ARHGAP24: variants seen among roughly 807,000 people sequenced by gnomAD.
ARHGAP24 encodes Rho GTPase activating protein 24.
ARHGAP24 carries 50 observed loss-of-function variants against 76.4 expected under a neutral mutation model. That is an observed-to-expected ratio of 0.65 (90% CI 0.52 to 0.83). The LOEUF is 0.83. Among genes scored for constraint, ARHGAP24 ranks in the 40% least tolerant of loss-of-function variants. ARHGAP24 has a pLI of 0.00. For synonymous variants in ARHGAP24, 345 were observed against 323.3 expected (o/e 1.07, Z -0.72); for missense variants, 930 against 914.2 (o/e 1.02, Z -0.22).
At chr4:85,526,779 A>AT (rs1193623419) in intron 1 of ARHGAP24, among the ~76,000 whole-genome samples, 2 of 152,176 alleles carry the variant, frequency 1.3e-5, no homozygotes, top group Non-Finnish European at 2.9e-5. Flanking sequence ...GAATTTATGA[A>AT]TCTCTTGTAG....
chr4:85,635,359 T>A (rs187436696), intron 2 of ARHGAP24, among the ~76,000 whole-genome samples: 3 of 151,994 alleles, frequency 2.0e-5, no homozygotes, highest in Admixed American at 2.0e-4. Context: ...TGAATGAAGA[T>A]GTTCAAAGGT....
intron 3 of ARHGAP24, among the ~76,000 whole-genome samples, chr4:85,873,975 G>T (rs1241505177): frequency 6.6e-6 from 1 of 151,998 alleles, no homozygotes; most frequent in East Asian, 1.9e-4. Flanking sequence ...TTTAAGATTG[G>T]ATGATTAAAT....
At chr4:85,698,955 C>T (rs1450452438) in intron 2 of ARHGAP24, among the ~76,000 whole-genome samples, 3 of 152,094 alleles carry the variant, frequency 2.0e-5, no homozygotes, top group African/African-American at 7.2e-5. Context: ...ACCACCACCC[C>T]CCACTTGCTC....
chr4:85,977,346 C>G (rs767308540), intron 7 of ARHGAP24, among the ~76,000 whole-genome samples: 1 of 152,084 alleles, frequency 6.6e-6, no homozygotes, highest in Non-Finnish European at 1.5e-5. Flanking sequence ...CAAAGCAGGC[C>G]AGGCCAAGAC....
chr4:85,958,443 A>G (rs944485292), intron 5 of ARHGAP24, among the ~76,000 whole-genome samples: 3 of 152,178 alleles, frequency 2.0e-5, no homozygotes, highest in African/African-American at 7.2e-5. Flanking sequence ...GCTTGAATCT[A>G]TGTGATACAG....
At chr4:85,715,919 G>GA (rs1479280869) in intron 2 of ARHGAP24, among the ~76,000 whole-genome samples, 2 of 151,812 alleles carry the variant, frequency 1.3e-5, no homozygotes, top group African/African-American at 4.8e-5. Context: ...TTGCTGTAAA[G>GA]AAAAAAATTG....
At chr4:85,509,600 T>C (rs1724198774) in intron 1 of ARHGAP24, among the ~76,000 whole-genome samples, 1 of 152,052 alleles carries the variant, frequency 6.6e-6, no homozygotes, top group Non-Finnish European at 1.5e-5. Flanking sequence ...TTCTTTATCT[T>C]TGTGTTTTGA....
intron 3 of ARHGAP24, among the ~76,000 whole-genome samples, chr4:85,867,300 G>T (rs345342): frequency 0.96 from 146,144 of 152,200 alleles, 70,499 homozygotes; most frequent in East Asian, 1. Context: ...TTATATGTTG[G>T]ATGTAATCTT....
intron 8 of ARHGAP24, among the ~76,000 whole-genome samples, chr4:85,979,928 T>C (rs1216575823): frequency 6.6e-6 from 1 of 152,244 alleles, no homozygotes; most frequent in African/African-American, 2.4e-5. Context: ...TGTCCTTCAC[T>C]GAATCTCAAA....
At chr4:85,712,275 C>G (rs1724558106) in intron 2 of ARHGAP24, among the ~76,000 whole-genome samples, 1 of 152,066 alleles carries the variant, frequency 6.6e-6, no homozygotes, top group Non-Finnish European at 1.5e-5. Flanking sequence ...TGGTTACCAC[C>G]TCTCAGAATG....
chr4:85,839,872 CAG>C (rs1730500907), intron 3 of ARHGAP24, among the ~76,000 whole-genome samples: 1 of 92,190 alleles, frequency 1.1e-5, no homozygotes, highest in African/African-American at 4.0e-5. Flanking sequence ...TTTTTTGAGA[CAG>C]AGTCTTGCTC....
At chr4:85,871,437 A>C (rs1196320739) in intron 3 of ARHGAP24, among the ~76,000 whole-genome samples, 1 of 152,040 alleles carries the variant, frequency 6.6e-6, no homozygotes, top group Admixed American at 6.6e-5. Context: ...TCGTTGATCA[A>C]CTCTTTCTTT....
intron 5 of ARHGAP24, among the ~76,000 whole-genome samples, chr4:85,964,758 T>C (rs1245005138): frequency 6.6e-6 from 1 of 152,154 alleles, no homozygotes; most frequent in African/African-American, 2.4e-5. Context: ...CAAACTGGGA[T>C]TGCTCAAAGT....
rs111638127 is a variant in ARHGAP24 at position 85,522,407 on chromosome 4, C to A, written c.-21+46848C>A. On this transcript the variant is annotated intron_variant, in intron 1 of 9. Coordinates refer to ENST00000395184, the MANE Select transcript of ARHGAP24 (RefSeq NM_001025616.3). ...CATAATTGCTACAAATAATTATTTT[C>A]ATAACATACTCTCCACACATTGTAC... 1.4e-4 allele frequency among the ~76,000 whole-genome samples: 22 copies of A among 152,236 alleles called. 1 individual carries two copies. The highest frequency in any genetic ancestry group is 5.3e-4 in the African/African-American group (22 of 41,566).
intron 2 of ARHGAP24, among the ~76,000 whole-genome samples, chr4:85,616,807 T>C (rs1487516867): frequency 6.6e-6 from 1 of 152,038 alleles, no homozygotes; most frequent in Non-Finnish European, 1.5e-5. Context: ...TTTGTATTTT[T>C]AGTAGAGATG....
intron 5 of ARHGAP24, among the ~76,000 whole-genome samples, chr4:85,970,002 G>A (rs1436734609): frequency 6.6e-6 from 1 of 152,040 alleles, no homozygotes; most frequent in African/African-American, 2.4e-5. Flanking sequence ...GTTAAAACAA[G>A]CCCTTTCAGA....
intron 2 of ARHGAP24, among the ~76,000 whole-genome samples, chr4:85,604,569 G>C (rs1337010977): frequency 6.6e-6 from 1 of 152,104 alleles, no homozygotes; most frequent in Non-Finnish European, 1.5e-5. Context: ...TAAAAAGATA[G>C]ATGTATCGTC....
At chr4:85,901,687 C>G (rs1013627175) in intron 3 of ARHGAP24, among the ~76,000 whole-genome samples, 1 of 152,152 alleles carries the variant, frequency 6.6e-6, no homozygotes, top group Non-Finnish European at 1.5e-5. Context: ...AATACTTATA[C>G]TCCAAGAATG....
chr4:85,947,537 A>G (rs1737356350), intron 5 of ARHGAP24, among the ~76,000 whole-genome samples: 1 of 152,190 alleles, frequency 6.6e-6, no homozygotes, highest in African/African-American at 2.4e-5. Context: ...ATTTGGGGGA[A>G]CACAAGCATT....
Sources: gnomAD v4.1 joint callset for allele counts (sites outside exome capture counted in the v4.1 genomes callset) on GRCh38, gnomAD v4.1.1 for gene constraint, MANE v1.5 for transcripts, NCBI Gene and HGNC (gene_info 2026-07-23, HGNC 2026-07-21) for gene names.